Variants in SCAI observed in about 807,000 individuals in gnomAD.
The protein encoded by SCAI is suppressor of cancer cell invasion, also known as protein SCAI.
In SCAI, 24 loss-of-function variants were observed where a neutral mutation model predicts 92.2. The observed-to-expected ratio is 0.26, with a 90% CI of 0.19 to 0.37. SCAI has a LOEUF of 0.37. Among genes scored for constraint, SCAI ranks in the 10% least tolerant of loss-of-function variants. SCAI has a pLI of 1.00. For synonymous variants in SCAI, 261 were observed against 258.6 expected (o/e 1.01, Z -0.09); for missense variants, 450 against 736.2 (o/e 0.61, Z 4.50).
chr9:125,053,097 G>A (rs12001925), intron 3 of SCAI, among the ~76,000 whole-genome samples: 1 of 151,956 alleles, frequency 6.6e-6, no homozygotes, highest in Non-Finnish European at 1.5e-5. Context: ...CACTTTGGGA[G>A]GCCGAAGCAG....
intron 3 of SCAI, among the ~76,000 whole-genome samples, chr9:125,037,406 C>G (rs1833220424): frequency 9.9e-6 from 1 of 101,488 alleles, no homozygotes. Flanking sequence ...AAGACTCTAT[C>G]CCTACAAAAA....
chr9:125,105,013 T>C (rs545598253), intron 2 of SCAI, among the ~76,000 whole-genome samples: 1 of 150,390 alleles, frequency 6.6e-6, no homozygotes, highest in African/African-American at 2.4e-5. Context: ...TGAATAATAA[T>C]AGTCTTCAAA....
intron 2 of SCAI, among the ~76,000 whole-genome samples, chr9:125,070,338 G>A (rs1387906488): frequency 6.7e-6 from 1 of 150,010 alleles, no homozygotes; most frequent in Admixed American, 6.6e-5. Context: ...GCATCTTCAT[G>A]TATCAAGGAT....
chr9:125,063,038 AT>A lies in SCAI; in HGVS notation c.99-7032del, dbSNP rs1269613209. ...CGTCTCAAAAAAAAAAAAAAAAAAA[AT>A]GTAAAACACTGTGTAAGTACTAATG... On this transcript the variant is annotated intron_variant, in intron 2 of 17. Coordinates refer to ENST00000336505, the MANE Select transcript of SCAI (RefSeq NM_001144877.3). 6.2e-3 allele frequency among the ~76,000 whole-genome samples: 850 copies of A among 136,854 alleles called. 6 individuals are homozygous for A. The highest frequency in any genetic ancestry group is 0.021 in the African/African-American group (757 of 36,238). The allele number at this position is 136,854 out of a possible 152,430, so 89.8% of individuals were successfully genotyped here. A position where few individuals can be genotyped will look rare whatever the true frequency, so the allele number is the denominator to read the frequency against.
chr9:125,000,046 A>C, intron 12 of SCAI, 56 bp from the exon 13 acceptor site: 1 of 720,876 alleles, frequency 1.4e-6, no homozygotes, highest in Non-Finnish European at 2.3e-6. Context: ...CACTGACCTG[A>C]TGTTCAAATA....
At chr9:125,049,139 TAC>T (rs35099877) in intron 3 of SCAI, among the ~76,000 whole-genome samples, 34,352 of 151,748 alleles carry the variant, frequency 0.23, 4,830 homozygotes, top group Non-Finnish European at 0.31. Flanking sequence ...AATATACATA[TAC>T]ACACACACTC....
At chr9:124,972,449 G>A (rs1445078217) in intron 15 of SCAI, among the ~76,000 whole-genome samples, 2 of 152,118 alleles carry the variant, frequency 1.3e-5, no homozygotes, top group African/African-American at 4.8e-5. Flanking sequence ...CTAAAAATGT[G>A]ACTAGATGAG....
In SCAI at chr9:125,042,299, C is replaced by A. The variant is rs572064172; in HGVS notation, c.231-12560G>T. 2.0e-5 allele frequency among the ~76,000 whole-genome samples: 3 copies of A among 152,112 alleles called. No individual in the cohort carries two copies. In the East Asian group the frequency reaches 5.8e-4, roughly 29 times the overall value. ...GACTATGGTAGGAAGAAATGCAGTG[C>A]AAATAATTAAACCTGATTATCAGGG... is the stretch of plus-strand genomic sequence containing the variant. On this transcript the variant is annotated intron_variant, in intron 3 of 17. Coordinates refer to ENST00000336505, the MANE Select transcript of SCAI (RefSeq NM_001144877.3).
chr9:125,099,344 G>A (rs1834631370), intron 2 of SCAI, among the ~76,000 whole-genome samples: 1 of 151,256 alleles, frequency 6.6e-6, no homozygotes, highest in Admixed American at 6.6e-5. Context: ...CTGGAATGCA[G>A]CAGTGCGATC....
intron 2 of SCAI, among the ~76,000 whole-genome samples, chr9:125,058,913 T>C (rs1833722705): frequency 6.6e-6 from 1 of 152,150 alleles, no homozygotes; most frequent in Non-Finnish European, 1.5e-5. Context: ...CCAAACAGGG[T>C]AATTTCAGCA....
chr9:125,126,407 G>A (rs1381409275), intron 2 of SCAI, among the ~76,000 whole-genome samples: 2 of 152,028 alleles, frequency 1.3e-5, no homozygotes. Flanking sequence ...GTGTGTGTGT[G>A]TGTGTGTGTG....
rs370128872 is a variant in SCAI at position 124,959,985 on chromosome 9, G to A, written c.1675-7032C>T. Among the ~76,000 whole-genome samples, 7 of 152,132 alleles carry A rather than the reference G, an allele frequency of 4.6e-5. No individual in the cohort carries two copies. The East Asian group carries it at 5.8e-4, about 13-fold the overall frequency. On this transcript the variant is annotated intron_variant, in intron 17 of 17. Coordinates refer to ENST00000336505, the MANE Select transcript of SCAI (RefSeq NM_001144877.3). The stretch of plus-strand genomic sequence containing the variant: ...AGTCTTTGCTACTGTGAATAGTGCC[G>A]CAATAAACATATATGTGCATGTGTC...
intron 6 of SCAI, among the ~76,000 whole-genome samples, chr9:125,023,678 A>G (rs7857443): frequency 0.19 from 28,498 of 152,042 alleles, 2,753 homozygotes; most frequent in East Asian, 0.24. Context: ...TAAAAAAAAA[A>G]AAAGAAAAAT....
At chr9:124,987,071 C>T (rs1007474779) in intron 14 of SCAI, among the ~76,000 whole-genome samples, 2 of 152,136 alleles carry the variant, frequency 1.3e-5, no homozygotes, top group African/African-American at 2.4e-5. Flanking sequence ...CTCGCTCTGT[C>T]GCCCAGGCTG....
intron 3 of SCAI, among the ~76,000 whole-genome samples, chr9:125,051,256 C>G (rs1254738974): frequency 1.3e-5 from 2 of 152,138 alleles, no homozygotes; most frequent in African/African-American, 4.8e-5. Context: ...CTCCTGACCT[C>G]AGGTGATCTG....
intron 7 of SCAI, among the ~76,000 whole-genome samples, chr9:125,020,391 G>C (rs576228886): frequency 6.5e-4 from 99 of 152,160 alleles, no homozygotes; most frequent in African/African-American, 2.3e-3. Context: ...AAGAATTTTT[G>C]TTTGTTTGCA....
intron 17 of SCAI, chr9:124,968,207 G>T (rs750612796): frequency 1.2e-6 from 1 of 817,440 alleles, no homozygotes; most frequent in Non-Finnish European, 1.9e-6. Flanking sequence ...AACAAAAAAC[G>T]AAAAACAAAA....
intron 3 of SCAI, among the ~76,000 whole-genome samples, chr9:125,030,341 A>G (rs1217069418): frequency 6.6e-6 from 1 of 152,212 alleles, no homozygotes; most frequent in Non-Finnish European, 1.5e-5. Context: ...GAAAATTAAG[A>G]GCACTGAGTG....
In SCAI at chr9:124,950,614, T is replaced by C. The variant is rs1831220799; in HGVS notation, c.*2193A>G. The C allele has an allele frequency of 6.6e-6, 1 of 151,968 alleles. No homozygotes were observed. Among genetic ancestry groups the C allele is most frequent in the South Asian group, 2.1e-4 (1 of 4,814 alleles). The allele number at this position is 151,968 out of a possible 1,614,324, so 9.4% of individuals were successfully genotyped here. ...GAACACTGTTACTAAAGGAAAGCTA[T>C]GAAGTTTATTAAGATACTGAAAAAA... On this transcript the variant is annotated 3_prime_UTR_variant, in exon 18 of 18. Transcript: ENST00000336505.
Sources: gnomAD v4.1 joint callset for allele counts (sites outside exome capture counted in the v4.1 genomes callset) on GRCh38, gnomAD v4.1.1 for gene constraint, MANE v1.5 for transcripts, NCBI Gene and HGNC (gene_info 2026-07-23, HGNC 2026-07-21) for gene names.